Variants in IL1RAPL1 observed in about 807,000 individuals in gnomAD.
IL1RAPL1 encodes interleukin-1 receptor accessory protein-like 1.
In IL1RAPL1, 3 loss-of-function variants were observed where a neutral mutation model predicts 48.4. That is an observed-to-expected ratio of 0.06 (90% CI 0.03 to 0.16). IL1RAPL1 has a LOEUF of 0.16. Among genes scored for constraint, IL1RAPL1 ranks in the 10% least tolerant of loss-of-function variants. IL1RAPL1 has a pLI of 1.00. For missense variants in IL1RAPL1, 349 were observed against 530.6 expected (o/e 0.66, Z 3.36); for synonymous variants, 185 against 187.7 (o/e 0.99, Z 0.12).
intron 2 of IL1RAPL1, among the ~76,000 whole-genome samples, chrX:28,963,987 A>G (rs899699968): frequency 9.0e-6 from 1 of 111,204 alleles, no homozygotes; most frequent in Non-Finnish European, 1.9e-5. Flanking sequence ...CATAAATTAT[A>G]CTCTATATTG....
chrX:29,885,046 G>C (rs189782859), intron 6 of IL1RAPL1, among the ~76,000 whole-genome samples: 1 of 110,802 alleles, frequency 9.0e-6, no homozygotes, highest in Admixed American at 9.6e-5. Flanking sequence ...TCATCCCCCC[G>C]TCTTAGCATG....
intron 1 of IL1RAPL1, among the ~76,000 whole-genome samples, chrX:28,679,050 A>T (rs1935029576): frequency 8.9e-6 from 1 of 111,967 alleles, no homozygotes; most frequent in Non-Finnish European, 1.9e-5. Context: ...TCACATTCCC[A>T]ACAACAGTGT....
At position 29,801,076 on chromosome X, in the gene IL1RAPL1, A is replaced by AAAAAAAAAAAAAAAAAAC. The variant is rs1569172133; in HGVS notation, c.779-116384_779-116383insAAAAAAAAAAAAACAAAA. 1.0e-4 allele frequency among the ~76,000 whole-genome samples: 9 copies of AAAAAAAAAAAAAAAAAAC among 87,015 alleles called. 3 individuals are homozygous for AAAAAAAAAAAAAAAAAAC. Among genetic ancestry groups the AAAAAAAAAAAAAAAAAAC allele is most frequent in the African/African-American group, 5.1e-4 (9 of 17,804 alleles). The allele number at this position is 87,015 out of a possible 115,157, so 75.6% of individuals were successfully genotyped here. ...AAAAAAAAAAAAAAAAAAAAAAAAA[A>AAAAAAAAAAAAAAAAAAC]AAAACTCATCTTTTAATGTTAGTTT... On this transcript the variant is annotated intron_variant, in intron 6 of 10. Coordinates refer to ENST00000378993, the MANE Select transcript of IL1RAPL1 (RefSeq NM_014271.4).
At chrX:28,914,388 G>A (rs1008241908) in intron 2 of IL1RAPL1, among the ~76,000 whole-genome samples, 1 of 111,447 alleles carries the variant, frequency 9.0e-6, no homozygotes, top group Non-Finnish European at 1.9e-5. Flanking sequence ...ATCTACCATT[G>A]AATAATTTTA....
chrX:28,951,015 C>T (rs1458878180), intron 2 of IL1RAPL1, among the ~76,000 whole-genome samples: 5 of 94,670 alleles, frequency 5.3e-5, no homozygotes, highest in Admixed American at 3.6e-4. Context: ...AGTAAACTAT[C>T]GCAAGAACAA....
chrX:29,646,351 A>G (rs907040894), intron 5 of IL1RAPL1, among the ~76,000 whole-genome samples: 12 of 112,085 alleles, frequency 1.1e-4, no homozygotes, highest in African/African-American at 3.9e-4. Context: ...AGTATTCATC[A>G]AGAAGAAGAA....
At chrX:28,982,847 TA>T (rs1174234267) in intron 2 of IL1RAPL1, 1 of 110,718 alleles carries the variant, frequency 9.0e-6, no homozygotes, top group East Asian at 2.8e-4. Context: ...TTTATTTAAA[TA>T]AAAAGCCTAC....
intron 2 of IL1RAPL1, among the ~76,000 whole-genome samples, chrX:29,191,576 T>C (rs1310450113): frequency 3.6e-5 from 4 of 112,121 alleles, no homozygotes; most frequent in Non-Finnish European, 7.5e-5. Context: ...TTCCCTGCCA[T>C]GTACTTTGAC....
At position 29,240,218 on chromosome X, in the gene IL1RAPL1, A is replaced by AT. The variant is rs1569267403; in HGVS notation, c.83-42719dup. ...CACATATATATATATATATATATATATATATATTTTTTTTTTTTTTTTTTT... is the reference window on the plus strand; with the variant it reads ...CACATATATATATATATATATATATATTATATATTTTTTTTTTTTTTTTTTT... On this transcript the variant is annotated intron_variant, in intron 2 of 10. Coordinates refer to ENST00000378993, the MANE Select transcript of IL1RAPL1 (RefSeq NM_014271.4). Among the ~76,000 whole-genome samples, 34 of 19,631 alleles carry AT rather than the reference A, an allele frequency of 1.7e-3. 1 individual carries two copies. Among genetic ancestry groups the AT allele is most frequent in the African/African-American group, 7.5e-3 (32 of 4,261 alleles). 17.0% of individuals were successfully genotyped at this position (19,631 alleles called of 115,157 possible). A position where few individuals can be genotyped will look rare whatever the true frequency, so the allele number is the denominator to read the frequency against.
intron 1 of IL1RAPL1, among the ~76,000 whole-genome samples, chrX:28,701,124 T>G (rs370041596): frequency 9.0e-6 from 1 of 111,637 alleles, no homozygotes; most frequent in African/African-American, 3.2e-5. Flanking sequence ...TTGAGGAATC[T>G]CCACATTGTC....
chrX:29,242,759 T>C (rs1416544566), intron 2 of IL1RAPL1, among the ~76,000 whole-genome samples: 2 of 111,955 alleles, frequency 1.8e-5, no homozygotes, highest in African/African-American at 6.5e-5. Context: ...GCATATATTA[T>C]CTCATAATTT....
chrX:29,568,437 C>G (rs1420974961), intron 5 of IL1RAPL1, among the ~76,000 whole-genome samples: 7 of 109,920 alleles, frequency 6.4e-5, no homozygotes, highest in Non-Finnish European at 9.6e-5. Flanking sequence ...ATTAAAATGT[C>G]ACAAACGAAT....
intron 6 of IL1RAPL1, among the ~76,000 whole-genome samples, chrX:29,819,638 C>T (rs1010089453): frequency 1.0e-4 from 11 of 110,023 alleles, no homozygotes; most frequent in East Asian, 2.8e-4. Context: ...CCACATACAA[C>T]GCACATACCA....
At chrX:29,929,288 G>A (rs963023352) in intron 8 of IL1RAPL1, among the ~76,000 whole-genome samples, 13 of 111,431 alleles carry the variant, frequency 1.2e-4, no homozygotes, top group African/African-American at 4.2e-4. Flanking sequence ...TTACCTGAGA[G>A]TATTTTGCTT....
chrX:28,863,321 A>G (rs1921993844), intron 2 of IL1RAPL1, among the ~76,000 whole-genome samples: 1 of 110,505 alleles, frequency 9.0e-6, no homozygotes. Context: ...GAAAGCAGTA[A>G]TAGACAATAT....
At chrX:28,852,075 A>G (rs1921676485) in intron 2 of IL1RAPL1, among the ~76,000 whole-genome samples, 1 of 112,075 alleles carries the variant, frequency 8.9e-6, no homozygotes, top group Non-Finnish European at 1.9e-5. Context: ...GTTGCTACAC[A>G]TGACCTTTGG....
chrX:29,376,468 C>T (rs190446948), intron 3 of IL1RAPL1, among the ~76,000 whole-genome samples: 86 of 109,635 alleles, frequency 7.8e-4, no homozygotes, highest in Non-Finnish European at 1.3e-3. Flanking sequence ...TCTCCCCAGG[C>T]TCAGGTGATC....
intron 5 of IL1RAPL1, among the ~76,000 whole-genome samples, chrX:29,518,577 AG>A (rs1272603711): frequency 9.0e-6 from 1 of 111,712 alleles, no homozygotes; most frequent in African/African-American, 3.3e-5. Context: ...ACACTTATCT[AG>A]GTCAATGAAA....
chrX:29,614,270 A>G (rs1602326877), intron 5 of IL1RAPL1, among the ~76,000 whole-genome samples: 2 of 111,794 alleles, frequency 1.8e-5, no homozygotes, highest in African/African-American at 6.5e-5. Flanking sequence ...CAGATTCTCA[A>G]GGTAATAGCT....
Sources: allele counts gnomAD v4.1 joint callset (sites outside exome capture counted in the v4.1 genomes callset), GRCh38; gene constraint gnomAD v4.1.1; transcripts MANE v1.5; gene names NCBI Gene and HGNC (gene_info 2026-07-23, HGNC 2026-07-21).